Variants in PGAP1 observed in about 807,000 individuals in gnomAD.
The protein encoded by PGAP1 is post-GPI attachment to proteins inositol deacylase 1.
Under a neutral mutation model 127.0 loss-of-function variants are expected in PGAP1, and 76 were observed. That is an observed-to-expected ratio of 0.60 (90% CI 0.50 to 0.72). PGAP1 has a LOEUF of 0.72. PGAP1 is among the 30% of genes least tolerant of loss of function. The probability of loss-of-function intolerance (pLI) is 0.00; values close to 1 mark genes in which losing one functional copy is unlikely to be tolerated. For missense variants in PGAP1, 982 were observed against 1,071.3 expected (o/e 0.92, Z 1.16); for synonymous variants, 362 against 366.5 (o/e 0.99, Z 0.14).
chr2:196,912,952 C>G lies in PGAP1; in HGVS notation c.579G>C (p.Leu193=). ...LLTLKNFKHD[L]INLLITQATP... ...TGGCTTGTGTAATAAGAAGATTTAT[C>G]AGATCATGCTTAAAATTTTTCAGTG... The change falls in exon 4 of 27, where the codon CTG becomes CTC. Residue 193 remains leucine (L), a synonymous_variant. Transcript: ENST00000354764. 1 of 1,613,786 alleles carries G rather than the reference C, an allele frequency of 6.2e-7. No homozygotes were observed. The highest frequency in any genetic ancestry group is 1.1e-5 in the South Asian group (1 of 91,020).
In PGAP1 at chr2:196,898,300, T is replaced by C; in HGVS notation, c.860+17A>G. Reference sequence around the variant, plus strand: ...CATGACAACTCATCAAAACAAGTTATACAAGTATTAACTTACCACACAATG... The same window carrying C: ...CATGACAACTCATCAAAACAAGTTACACAAGTATTAACTTACCACACAATG... On this transcript the variant is annotated intron_variant, in intron 6 of 26. Coordinates refer to ENST00000354764, the MANE Select transcript of PGAP1 (RefSeq NM_024989.4). The C allele has an allele frequency of 6.4e-7, 1 of 1,560,822 alleles. No individual in the cohort carries two copies. Among genetic ancestry groups the C allele is most frequent in the Non-Finnish European group, 8.8e-7 (1 of 1,136,354 alleles).
rs1357299172 is a variant in PGAP1, at chr2:196,847,119, A to T, written c.2034T>A (p.Cys678Ter). Residue 678 changes from cysteine (C) to a stop codon, truncating the protein, a stop_gained, in exon 22 of 27, where the codon TGT becomes TGA. Transcript: ENST00000354764. LOFTEE classifies it high-confidence loss of function. ...DAVILTCQSMCFPLISLILFL... is the reference protein window; with the variant it reads ...DAVILTCQSM ...AGAGAATCAAGGATATCAGGGGGAA[A>T]CACATACTCTGACAAGTTAAAATGA... is the stretch of plus-strand genomic sequence containing the variant. The T allele has an allele frequency of 6.2e-7, 1 of 1,613,430 alleles. No individual in the cohort carries two copies. The highest frequency in any genetic ancestry group is 1.7e-4 in the Middle Eastern group (1 of 6,058).
At chr2:196,883,749 ATG>A (rs1048900920) in intron 12 of PGAP1, among the ~76,000 whole-genome samples, 25 of 152,324 alleles carry the variant, frequency 1.6e-4, no homozygotes, top group African/African-American at 6.0e-4. Context: ...AATTTATAAA[ATG>A]TATTTGCTTT....
chr2:196,848,043 G>GT lies in PGAP1; in HGVS notation c.1862-7_1862-6insA. 6.3e-7 allele frequency: 1 copy of GT among 1,583,876 alleles called. No individual in the cohort carries two copies. Among genetic ancestry groups the GT allele is most frequent in the Non-Finnish European group, 8.6e-7 (1 of 1,167,798 alleles). On this transcript the variant is annotated splice_polypyrimidine_tract_variant and splice_region_variant and intron_variant, in intron 20 of 26. Transcript: ENST00000354764. ...AGCATATTCTAAGCAACAACCTGGTGATTTAAAAAAAGTTACATGCAATTT... is the reference window on the plus strand; with the variant it reads ...AGCATATTCTAAGCAACAACCTGGTGTATTTAAAAAAAGTTACATGCAATTT...
At chr2:196,926,441 G>T (rs1348282873) in intron 1 of PGAP1, 29 bp downstream of exon 1, 2 of 1,613,342 alleles carry the variant, frequency 1.2e-6, no homozygotes, top group Non-Finnish European at 8.5e-7. Flanking sequence ...GTCTTGGAGC[G>T]CCCGGCTGAG....
At chr2:196,861,690 C>T (rs915393612) in intron 20 of PGAP1, among the ~76,000 whole-genome samples, 1 of 152,040 alleles carries the variant, frequency 6.6e-6, no homozygotes, top group Admixed American at 6.6e-5. Context: ...TCAGGGACCC[C>T]AAATGGAGGG....
chr2:196,877,409 T>C (rs529992716), intron 13 of PGAP1, among the ~76,000 whole-genome samples: 1 of 152,232 alleles, frequency 6.6e-6, no homozygotes, highest in East Asian at 1.9e-4. Flanking sequence ...TGTACAACAG[T>C]AGAGTCAGCA....
In PGAP1 at chr2:196,876,955, A is replaced by C. The variant is rs979625105; in HGVS notation, c.1351-1134T>G. Among the ~76,000 whole-genome samples the C allele has an allele frequency of 1.1e-4, 17 of 152,106 alleles. 1 individual carries two copies. Among genetic ancestry groups the C allele is most frequent in the Admixed American group, 9.2e-4 (14 of 15,274 alleles). Reference sequence around the variant, plus strand: ...AAACAGCTGCTAAAAGATTATAGCAATCATTTATTGAACAGGATTACTCAT... The same window carrying C: ...AAACAGCTGCTAAAAGATTATAGCACTCATTTATTGAACAGGATTACTCAT... On this transcript the variant is annotated intron_variant, in intron 13 of 26. Coordinates refer to ENST00000354764, the MANE Select transcript of PGAP1 (RefSeq NM_024989.4).
chr2:196,915,914 T>G lies in PGAP1; in HGVS notation c.477+504A>C, dbSNP rs1187907029. On this transcript the variant is annotated intron_variant, in intron 3 of 26. Transcript: ENST00000354764. The stretch of plus-strand genomic sequence containing the variant: ...CTCTGCTTTCTTTAGCTAAGTGATA[T>G]CAATGTACCTCCCTTACTTGCCCCA... Among the ~76,000 whole-genome samples, 8 of 148,656 alleles carry G rather than the reference T, an allele frequency of 5.4e-5. 1 individual carries two copies. Among genetic ancestry groups the G allele is most frequent in the Non-Finnish European group, 8.9e-5 (6 of 67,314 alleles).
At chr2:196,882,550 TG>T (rs1701765938) in intron 12 of PGAP1, among the ~76,000 whole-genome samples, 2 of 152,326 alleles carry the variant, frequency 1.3e-5, no homozygotes, top group Admixed American at 1.3e-4. Context: ...TAATTCTCCT[TG>T]TAGAGAACTT....
In PGAP1 at chr2:196,902,707, T is replaced by C. The variant is rs760504979; in HGVS notation, c.685A>G (p.Asn229Asp). The change falls in exon 5 of 27, where the codon AAT (asparagine) becomes GAT (aspartate). Residue 229 changes from asparagine (N) to aspartate (D), a missense_variant. Physicochemically the swap from Asn to Asp is conservative, Grantham distance 23 (BLOSUM62 1). Transcript: ENST00000354764. The stretch of plus-strand genomic sequence containing the variant: ...GTGGTTAAATTTATGTGTCGAGCAT[T>C]TAGAATCCAATAGTTGTTTACAGTC... ...YTTVNNYWIL[N>D]ARHINLTTLS... 1 of 1,612,190 alleles carries C rather than the reference T, an allele frequency of 6.2e-7. No homozygotes were observed. The highest frequency in any genetic ancestry group is 8.5e-7 in the Non-Finnish European group (1 of 1,178,648).
At chr2:196,912,040 T>C (rs1395380797) in intron 4 of PGAP1, among the ~76,000 whole-genome samples, 1 of 152,210 alleles carries the variant, frequency 6.6e-6, no homozygotes, top group Non-Finnish European at 1.5e-5. Context: ...GAACGTTATC[T>C]TGGCCTTTTT....
rs867676878 is a variant in PGAP1 at position 196,890,872 on chromosome 2, G to T, written c.1129C>A (p.His377Asn). ...TAGACATGAGTGTAGATTTTTCTAT[G>T]ATTTTCAAGAGGAAATGTAAAATAT... ...KIYFTFPLEN[H>N]RKIYTHVYCQ... The change falls in exon 10 of 27, where the codon CAT (histidine) becomes AAT (asparagine). Residue 377 changes from histidine to asparagine, a missense_variant. By Grantham distance (68) the His-to-Asn change is moderately conservative. Transcript: ENST00000354764. 6.5e-7 allele frequency: 1 copy of T among 1,545,184 alleles called. No individual in the cohort carries two copies. Among genetic ancestry groups the T allele is most frequent in the Non-Finnish European group, 8.9e-7 (1 of 1,118,682 alleles).
In PGAP1 at chr2:196,833,954, G is replaced by A. The variant is rs1031926814; in HGVS notation, c.*7280C>T. ...GAAGAAAAAAGAGAAGGAAAAATGA[G>A]AGGAAATAATGTTTTAAAATATACT... On this transcript the variant is annotated 3_prime_UTR_variant, in exon 27 of 27. Coordinates refer to ENST00000354764, the MANE Select transcript of PGAP1 (RefSeq NM_024989.4). The A allele has an allele frequency of 2.6e-5, 4 of 151,778 alleles. No homozygotes were observed. The highest frequency in any genetic ancestry group is 9.7e-5 in the African/African-American group (4 of 41,368). 9.4% of individuals were successfully genotyped at this position (151,778 alleles called of 1,614,324 possible).
At chr2:196,901,035 T>C (rs1419705085) in intron 5 of PGAP1, among the ~76,000 whole-genome samples, 1 of 152,186 alleles carries the variant, frequency 6.6e-6, no homozygotes, top group Non-Finnish European at 1.5e-5. Flanking sequence ...AGATCAAAGT[T>C]CTTTAAAAGA....
chr2:196,865,246 A>G (rs903149362), intron 19 of PGAP1, among the ~76,000 whole-genome samples, 166 bp from the exon 20 acceptor site: 3 of 152,222 alleles, frequency 2.0e-5, no homozygotes, highest in Non-Finnish European at 4.4e-5. Flanking sequence ...TTGAAAATAC[A>G]TAGCAAACTC....
intron 5 of PGAP1, among the ~76,000 whole-genome samples, chr2:196,899,004 A>G (rs554449332): frequency 3.6e-4 from 55 of 152,174 alleles, no homozygotes; most frequent in Non-Finnish European, 7.4e-4. Context: ...TCTAAAAAAT[A>G]TAAGTATTTG....
At chr2:196,896,768 G>A (rs1045818963) in intron 7 of PGAP1, among the ~76,000 whole-genome samples, 2 of 147,610 alleles carry the variant, frequency 1.4e-5, no homozygotes, top group African/African-American at 5.1e-5. Flanking sequence ...GGCAGAGGCT[G>A]CAGTGAGCCG....
In PGAP1 at chr2:196,834,676, G is replaced by C. The variant is rs1226628606; in HGVS notation, c.*6558C>G. 6.6e-6 allele frequency: 1 copy of C among 151,650 alleles called. No individual in the cohort carries two copies. The highest frequency in any genetic ancestry group is 6.6e-5 in the Admixed American group (1 of 15,230). 9.4% of individuals were successfully genotyped at this position (151,650 alleles called of 1,614,324 possible). ...CCTAATTTATATACAGTATAAATCG[G>C]GAGTTTTTTTTCCACTGCACAGTGG... is the stretch of plus-strand genomic sequence containing the variant. On this transcript the variant is annotated 3_prime_UTR_variant, in exon 27 of 27. Transcript: ENST00000354764.
Sources: allele counts gnomAD v4.1 joint callset (sites outside exome capture counted in the v4.1 genomes callset), GRCh38; gene constraint gnomAD v4.1.1; transcripts MANE v1.5; gene names NCBI Gene and HGNC (gene_info 2026-07-23, HGNC 2026-07-21).